TMCC1: variants seen among roughly 807,000 people sequenced by gnomAD.
The protein encoded by TMCC1 is transmembrane and coiled-coil domain family 1.
TMCC1 carries 15 observed loss-of-function variants against 52.4 expected under a neutral mutation model. That is an observed-to-expected ratio of 0.29 (90% confidence interval 0.19 to 0.44). TMCC1 has a LOEUF of 0.44. TMCC1 is among the 20% of genes least tolerant of loss of function. The pLI is 1.00. For missense variants in TMCC1, 503 were observed against 806.0 expected (o/e 0.62, Z 4.55); for synonymous variants, 279 against 301.9 (o/e 0.92, Z 0.79).
At chr3:129,735,473 T>C (rs781690907) in intron 4 of TMCC1, among the ~76,000 whole-genome samples, 3 of 151,516 alleles carry the variant, frequency 2.0e-5, no homozygotes, top group African/African-American at 4.9e-5. Context: ...TGAGATCCTG[T>C]CTCCACAAAA....
chr3:129,849,468 A>C (rs1264731583), intron 2 of TMCC1, among the ~76,000 whole-genome samples: 2 of 151,384 alleles, frequency 1.3e-5, no homozygotes, highest in Non-Finnish European at 2.9e-5. Context: ...TCTCAAAAAA[A>C]AAAAAAAGTA....
At chr3:129,660,887 TC>T (rs2086980419) in intron 5 of TMCC1, among the ~76,000 whole-genome samples, 1 of 152,206 alleles carries the variant, frequency 6.6e-6, no homozygotes, top group African/African-American at 2.4e-5. Context: ...CAAGTGATCC[TC>T]CCATCTCAGC....
intron 4 of TMCC1, among the ~76,000 whole-genome samples, chr3:129,691,733 T>C (rs1468831102): frequency 1.3e-5 from 2 of 152,174 alleles, no homozygotes; most frequent in Non-Finnish European, 2.9e-5. Context: ...CAGTGAGCTA[T>C]GATTTCAGCC....
At chr3:129,846,527 A>G (rs1434463988) in intron 2 of TMCC1, among the ~76,000 whole-genome samples, 2 of 151,996 alleles carry the variant, frequency 1.3e-5, no homozygotes, top group East Asian at 3.9e-4. Flanking sequence ...TTGTGCTTCT[A>G]TTTTATAAGG....
At chr3:129,854,782 A>AC (rs1225227243) in intron 2 of TMCC1, among the ~76,000 whole-genome samples, 1 of 152,192 alleles carries the variant, frequency 6.6e-6, no homozygotes, top group Non-Finnish European at 1.5e-5. Context: ...GTCAAATCTC[A>AC]CTAATGTAAG....
chr3:129,790,661 G>A (rs2056390864), intron 4 of TMCC1, among the ~76,000 whole-genome samples: 1 of 152,000 alleles, frequency 6.6e-6, no homozygotes, highest in Non-Finnish European at 1.5e-5. Context: ...AATTTAAGAA[G>A]GACTTTCTAA....
intron 4 of TMCC1, 38 bp from the exon 5 acceptor site, chr3:129,671,302 G>A: frequency 6.4e-7 from 1 of 1,558,488 alleles, no homozygotes; most frequent in Non-Finnish European, 8.7e-7. Flanking sequence ...AGAAGCCCAA[G>A]AGGACTACGT....
At chr3:129,798,298 T>C (rs1324099728) in intron 4 of TMCC1, among the ~76,000 whole-genome samples, 2 of 152,042 alleles carry the variant, frequency 1.3e-5, no homozygotes, top group African/African-American at 4.8e-5. Flanking sequence ...CCCAGCCGCC[T>C]TTCTGGTTTT....
chr3:129,862,468 C>T (rs180930834), intron 2 of TMCC1, among the ~76,000 whole-genome samples: 6 of 152,006 alleles, frequency 3.9e-5, no homozygotes, highest in Admixed American at 2.0e-4. Context: ...CCTGTAAATC[C>T]GAAACTTCTA....
At chr3:129,763,546 A>AAAT (rs1356131219) in intron 4 of TMCC1, among the ~76,000 whole-genome samples, 18 of 130,044 alleles carry the variant, frequency 1.4e-4, no homozygotes, top group African/African-American at 4.2e-4. Flanking sequence ...CTGTCTCAAA[A>AAAT]AAAAAAAAAA....
intron 4 of TMCC1, among the ~76,000 whole-genome samples, chr3:129,751,801 C>T (rs560029821): frequency 1.0e-3 from 152 of 152,152 alleles, no homozygotes; most frequent in African/African-American, 3.4e-3. Flanking sequence ...CCTCATAATC[C>T]GCTCACCTCA....
At chr3:129,804,467 T>C (rs2057356303) in intron 4 of TMCC1, among the ~76,000 whole-genome samples, 1 of 152,194 alleles carries the variant, frequency 6.6e-6, no homozygotes, top group South Asian at 2.1e-4. Flanking sequence ...TTGGCTATTG[T>C]TGTTGCATAT....
intron 4 of TMCC1, among the ~76,000 whole-genome samples, chr3:129,760,287 G>A (rs1053094889): frequency 2.0e-5 from 3 of 151,974 alleles, no homozygotes; most frequent in Admixed American, 6.6e-5. Context: ...ACAGCTTACC[G>A]CAGCCTCGAG....
chr3:129,873,304 T>C (rs2061020872), intron 2 of TMCC1, among the ~76,000 whole-genome samples: 1 of 150,694 alleles, frequency 6.6e-6, no homozygotes, highest in African/African-American at 2.4e-5. Flanking sequence ...CTTAATGCAG[T>C]GTGGACATAC....
chr3:129,823,627 A>AAAACAAAC (rs146057192), intron 4 of TMCC1, among the ~76,000 whole-genome samples: 1 of 152,096 alleles, frequency 6.6e-6, no homozygotes, highest in East Asian at 1.9e-4. Flanking sequence ...AGATCCCTGA[A>AAAACAAAC]AAACAAACAA....
At chr3:129,762,222 TAG>T (rs1262878859) in intron 4 of TMCC1, among the ~76,000 whole-genome samples, 3 of 151,910 alleles carry the variant, frequency 2.0e-5, no homozygotes, top group Non-Finnish European at 4.4e-5. Flanking sequence ...TAATTTTTTG[TAG>T]AGACAGGGTT....
chr3:129,844,318 A>G (rs2059563927), intron 2 of TMCC1, among the ~76,000 whole-genome samples: 1 of 152,240 alleles, frequency 6.6e-6, no homozygotes, highest in African/African-American at 2.4e-5. Flanking sequence ...AAACACTGCC[A>G]TGATTTCAGG....
intron 4 of TMCC1, among the ~76,000 whole-genome samples, chr3:129,714,530 G>A (rs1443970219): frequency 6.6e-6 from 1 of 152,060 alleles, no homozygotes; most frequent in African/African-American, 2.4e-5. Flanking sequence ...TATAAAGGTA[G>A]GCCCATTTGG....
chr3:129,784,439 G>A (rs982542636), intron 4 of TMCC1, among the ~76,000 whole-genome samples: 7 of 151,788 alleles, frequency 4.6e-5, no homozygotes, highest in Non-Finnish European at 8.8e-5. Context: ...AGTGGCGGGC[G>A]CCTGTAGTTC....
Sources: gnomAD v4.1 joint callset for allele counts (sites outside exome capture counted in the v4.1 genomes callset) on GRCh38, gnomAD v4.1.1 for gene constraint, MANE v1.5 for transcripts, NCBI Gene and HGNC (gene_info 2026-07-23, HGNC 2026-07-21) for gene names.